The following HAPSTR1 variants were observed in gnomAD, a reference collection of about 807,000 sequenced individuals.
The protein encoded by HAPSTR1 is HUWE1 associated protein modifying stress responses.
chr16:9,118,136 A>G, the HAPSTR1 span: 1 of 152,612 alleles, frequency 6.6e-6, no homozygotes. Context: ...TTCATTTTTA[A>G]TATCCTGAAC....
the HAPSTR1 span, chr16:9,091,824 G>A: frequency 5.1e-6 from 2 of 393,336 alleles, no homozygotes; most frequent in Admixed American, 9.0e-5. Context: ...CCGGGCCCGG[G>A]GGTGGGAAGG....
chr16:9,116,991 A>G, the HAPSTR1 span: 1 of 1,560,664 alleles, frequency 6.4e-7, no homozygotes, highest in Non-Finnish European at 8.7e-7. Context: ...CAAAGGAAAC[A>G]TGAGGCCATC....
At chr16:9,108,612 C>T in the HAPSTR1 span, 1 of 152,190 alleles carries the variant, frequency 6.6e-6, no homozygotes, top group Non-Finnish European at 1.5e-5. Flanking sequence ...GGCTTTTCTT[C>T]TCAAAATTAA....
the HAPSTR1 span, chr16:9,118,669 G>A: frequency 6.6e-6 from 1 of 152,314 alleles, no homozygotes; most frequent in Non-Finnish European, 1.5e-5. Flanking sequence ...ACAAGCCTAT[G>A]TATTATGAAT....
chr16:9,093,061 G>C, the HAPSTR1 span: 3 of 1,480,734 alleles, frequency 2.0e-6, no homozygotes, highest in Non-Finnish European at 2.8e-6. Flanking sequence ...CAGGGTGTCT[G>C]CCCTGCGTTC....
the HAPSTR1 span, among the ~76,000 whole-genome samples, chr16:9,096,104 A>G: frequency 7.4e-4 from 113 of 152,272 alleles, no homozygotes; most frequent in African/African-American, 2.5e-3. Flanking sequence ...TCTTACCTTT[A>G]TGGTCCTGGA....
chr16:9,094,976 A>G, the HAPSTR1 span, among the ~76,000 whole-genome samples: 1 of 152,190 alleles, frequency 6.6e-6, no homozygotes, highest in Non-Finnish European at 1.5e-5. Flanking sequence ...ATAATCCTTA[A>G]TTTGATTACT....
the HAPSTR1 span, among the ~76,000 whole-genome samples, chr16:9,116,195 T>C: frequency 3.3e-5 from 5 of 152,184 alleles, no homozygotes. Flanking sequence ...CTAGAGGGGA[T>C]GTTGGAACAA....
chr16:9,094,113 TCTC>T, the HAPSTR1 span, among the ~76,000 whole-genome samples: 1 of 152,140 alleles, frequency 6.6e-6, no homozygotes, highest in African/African-American at 2.4e-5. Flanking sequence ...GGAAAAAATA[TCTC>T]CTTGTGAGAT....
At chr16:9,103,484 G>C in the HAPSTR1 span, 1 of 515,008 alleles carries the variant, frequency 1.9e-6, no homozygotes, top group East Asian at 3.2e-5. Flanking sequence ...TGAGCTTATT[G>C]GTGTTAAAAT....
the HAPSTR1 span, among the ~76,000 whole-genome samples, chr16:9,100,681 C>G: frequency 0.037 from 5,585 of 152,128 alleles, 338 homozygotes; most frequent in African/African-American, 0.13. Context: ...TTACAGGTGC[C>G]TACCACCCAT....
At chr16:9,107,104 C>T in the HAPSTR1 span, 1 of 152,266 alleles carries the variant, frequency 6.6e-6, no homozygotes, top group African/African-American at 2.4e-5. Flanking sequence ...CTCCTGACTG[C>T]CAGATGGCAT....
the HAPSTR1 span, chr16:9,117,055 G>A: frequency 8.1e-7 from 1 of 1,227,072 alleles, no homozygotes. Context: ...GCCATAAAAG[G>A]AAGTTCTAGG....
At chr16:9,091,953 C>T in the HAPSTR1 span, 2 of 1,142,836 alleles carry the variant, frequency 1.8e-6, no homozygotes, top group South Asian at 2.3e-5. Flanking sequence ...CAGGCCCTGC[C>T]GCCGGGCCGC....
chr16:9,095,491 A>G, the HAPSTR1 span, among the ~76,000 whole-genome samples: 1 of 152,180 alleles, frequency 6.6e-6, no homozygotes, highest in Non-Finnish European at 1.5e-5. Context: ...AGCAGGCAGC[A>G]TTCCTGTATT....
At chr16:9,104,269 A>T in the HAPSTR1 span, 3 of 151,978 alleles carry the variant, frequency 2.0e-5, no homozygotes, top group Non-Finnish European at 2.9e-5. Flanking sequence ...ATGTGCCACC[A>T]CGCCGGCTAA....
the HAPSTR1 span, chr16:9,092,308 C>A: frequency 2.8e-6 from 4 of 1,444,514 alleles, no homozygotes; most frequent in South Asian, 4.1e-5. Flanking sequence ...CGCTTGGCCG[C>A]CCCCGCCCGG....
At chr16:9,096,124 G>A in the HAPSTR1 span, among the ~76,000 whole-genome samples, 9 of 152,156 alleles carry the variant, frequency 5.9e-5, no homozygotes, top group African/African-American at 2.2e-4. Context: ...AGACAGTGAA[G>A]CCAGGTGTTA....
At chr16:9,110,736 TAAA>T in the HAPSTR1 span, 1 of 152,390 alleles carries the variant, frequency 6.6e-6, no homozygotes, top group East Asian at 1.9e-4. Context: ...TTAAGTATCT[TAAA>T]ACTGATGGAT....
Sources: allele counts gnomAD v4.1 joint callset (sites outside exome capture counted in the v4.1 genomes callset), GRCh38; gene constraint gnomAD v4.1.1; transcripts MANE v1.5; gene names NCBI Gene and HGNC (gene_info 2026-07-23, HGNC 2026-07-21).